SYTL2: variants seen among roughly 807,000 people sequenced by gnomAD.
The protein encoded by SYTL2 is synaptotagmin-like protein 2.
Under a neutral mutation model 198.7 loss-of-function variants are expected in SYTL2, and 165 were observed. The observed-to-expected ratio is 0.83, with a 90% CI of 0.73 to 0.94. The LOEUF (loss-of-function observed/expected upper bound fraction) is 0.94. Among genes scored for constraint, SYTL2 ranks in the 40% least tolerant of loss-of-function variants. The pLI is 0.00. For synonymous variants in SYTL2, 966 were observed against 917.7 expected (o/e 1.05, Z -0.95); for missense variants, 2,835 against 2,582.8 (o/e 1.10, Z -2.12).
intron 12 of SYTL2, among the ~76,000 whole-genome samples, chr11:85,712,695 TACACACACAC>T (rs200738930): frequency 2.1e-5 from 3 of 145,472 alleles, no homozygotes; most frequent in South Asian, 2.2e-4. Flanking sequence ...AAAATACATA[TACACACACAC>T]ACACACACAC....
rs115218567 is a variant in SYTL2, at chr11:85,718,767, C to T, written c.5482+23G>A. 4.8e-4 allele frequency: 768 copies of T among 1,609,092 alleles called. 4 individuals carry two copies. The African/African-American group carries it at 5.2e-3, about 11-fold the overall frequency. On this transcript the variant is annotated intron_variant, in intron 10 of 19. Transcript: ENST00000359152. ...CCAGAAGTTAATACAAAGACAGACA[C>T]GCAAATACATAAAGATATTTACCAT...
chr11:85,844,554 T>G, the SYTL2 span, among the ~76,000 whole-genome samples: 2 of 152,246 alleles, frequency 1.3e-5, no homozygotes, highest in Non-Finnish European at 2.9e-5. Context: ...GACTACTTCC[T>G]GGTGTGGAGG....
intron 1 of SYTL2, among the ~76,000 whole-genome samples, chr11:85,795,456 T>A (rs2092790213): frequency 6.6e-6 from 1 of 152,190 alleles, no homozygotes; most frequent in Non-Finnish European, 1.5e-5. Flanking sequence ...TAACAAATGT[T>A]AATTGTATCC....
rs201835158 is a variant in SYTL2 at position 85,726,225 on chromosome 11, C to A, written c.3133G>T (p.Val1045Phe). The A allele has an allele frequency of 8.1e-6, 13 of 1,613,032 alleles. No individual in the cohort carries two copies. The East Asian group carries it at 2.7e-4, about 33-fold the overall frequency. Reference sequence around the variant, plus strand: ...TTCTCCATTTCCTCTCTTGCCATAACTTTTTTTGGGCTTAGAAGCACCTCT... The same window carrying A: ...TTCTCCATTTCCTCTCTTGCCATAAATTTTTTTGGGCTTAGAAGCACCTCT... ...EAEVLLSPKKVMAREEMEKLN... is the reference protein window; with the variant it reads ...EAEVLLSPKKFMAREEMEKLN... The change falls in exon 8 of 20, where the codon GTT becomes TTT. Residue 1045 changes from valine (V) to phenylalanine (F), a missense_variant. By Grantham distance (50) the Val-to-Phe change is conservative. Coordinates refer to ENST00000359152, the MANE Select transcript of SYTL2 (RefSeq NM_206927.4).
the SYTL2 span, chr11:85,854,461 T>C: frequency 6.6e-6 from 1 of 150,936 alleles, no homozygotes; most frequent in African/African-American, 2.4e-5. Flanking sequence ...AAGCGAAGAG[T>C]GGGAAATGCT....
At chr11:85,702,071 C>A (rs1489064493) in intron 16 of SYTL2, among the ~76,000 whole-genome samples, 1 of 152,082 alleles carries the variant, frequency 6.6e-6, no homozygotes, top group Non-Finnish European at 1.5e-5. Context: ...GAAAAACACT[C>A]TAGACCAGTG....
chr11:85,714,428 T>A lies in SYTL2; in HGVS notation c.5610A>T (p.Ala1870=). 4 of 1,613,362 alleles carry A rather than the reference T, an allele frequency of 2.5e-6. No homozygotes were observed. Among genetic ancestry groups the A allele is most frequent in the Non-Finnish European group, 3.4e-6 (4 of 1,179,344 alleles). ...KLKRMSKSVP[A]FLQDESDDRE... is the part of the protein sequence containing the mutation. ...ACAAACTTGCCTCATCTTGGAGAAA[T>A]GCTGGAACAGACTTGCTCATCCTTT... The change falls in exon 12 of 20, where the codon GCA becomes GCT. Residue 1870 remains alanine, a synonymous_variant. Coordinates refer to ENST00000359152, the MANE Select transcript of SYTL2 (RefSeq NM_206927.4).
chr11:85,761,467 G>A (rs2092094373), intron 1 of SYTL2, among the ~76,000 whole-genome samples: 1 of 152,224 alleles, frequency 6.6e-6, no homozygotes, highest in Admixed American at 6.5e-5. Context: ...GAGAGCAGGA[G>A]GAGAGGAGGC....
chr11:85,784,912 C>G (rs568267921), intron 1 of SYTL2, among the ~76,000 whole-genome samples: 2 of 152,064 alleles, frequency 1.3e-5, no homozygotes, highest in Non-Finnish European at 2.9e-5. Flanking sequence ...CTTTCATCCT[C>G]GGAATCACTA....
intron 1 of SYTL2, among the ~76,000 whole-genome samples, chr11:85,779,656 A>G (rs1193261499): frequency 6.6e-6 from 1 of 151,440 alleles, no homozygotes; most frequent in Non-Finnish European, 1.5e-5. Flanking sequence ...TTTCCCTAGC[A>G]GAAGTAGGAC....
chr11:85,711,008 G>T, intron 13 of SYTL2, 105 bp downstream of exon 13: 2 of 1,255,452 alleles, frequency 1.6e-6, no homozygotes, highest in Non-Finnish European at 2.2e-6. Context: ...AACTGTTTGT[G>T]CCCTGAGAAA....
intron 12 of SYTL2, among the ~76,000 whole-genome samples, chr11:85,713,919 T>A (rs1408227562): frequency 6.6e-6 from 1 of 152,142 alleles, no homozygotes; most frequent in Non-Finnish European, 1.5e-5. Context: ...ACCTGTAATG[T>A]GTGGGGATAA....
the SYTL2 span, among the ~76,000 whole-genome samples, chr11:85,821,247 A>G: frequency 6.6e-6 from 1 of 152,236 alleles, no homozygotes. Flanking sequence ...TGTTTTTCTA[A>G]TGGTACATAA....
At chr11:85,777,453 C>T (rs2092470213) in intron 1 of SYTL2, among the ~76,000 whole-genome samples, 1 of 152,164 alleles carries the variant, frequency 6.6e-6, no homozygotes, top group Admixed American at 6.5e-5. Context: ...AGACTGCATT[C>T]ATTGCTACCA....
intron 1 of SYTL2, among the ~76,000 whole-genome samples, chr11:85,805,327 C>CAAAA (rs200930675): frequency 2.1e-5 from 2 of 95,976 alleles, no homozygotes; most frequent in African/African-American, 7.2e-5. Context: ...CCCATCTCTA[C>CAAAA]AAAAAAAAAA....
intron 2 of SYTL2, among the ~76,000 whole-genome samples, chr11:85,757,400 T>C (rs1447083647): frequency 2.0e-5 from 3 of 152,206 alleles, no homozygotes; most frequent in Non-Finnish European, 4.4e-5. Flanking sequence ...GGAATTTAGT[T>C]AGGTTTTTAA....
At chr11:85,780,338 T>C (rs1267989859) in intron 1 of SYTL2, among the ~76,000 whole-genome samples, 1 of 152,240 alleles carries the variant, frequency 6.6e-6, no homozygotes, top group African/African-American at 2.4e-5. Flanking sequence ...TCTGGAGTGA[T>C]AAGAGTGTCT....
intron 1 of SYTL2, among the ~76,000 whole-genome samples, chr11:85,772,137 C>T (rs117531101): frequency 0.021 from 3,211 of 152,108 alleles, 63 homozygotes; most frequent in Admixed American, 0.037. Flanking sequence ...CTCCTGAGCT[C>T]GAGCCACTCG....
At chr11:85,739,431 GT>G (rs2153505040) in intron 4 of SYTL2, among the ~76,000 whole-genome samples, 1 of 151,934 alleles carries the variant, frequency 6.6e-6, no homozygotes, top group South Asian at 2.1e-4. Flanking sequence ...GATTCATTCA[GT>G]TACCTTGTGG....
Sources: gnomAD v4.1 joint callset for allele counts (sites outside exome capture counted in the v4.1 genomes callset) on GRCh38, gnomAD v4.1.1 for gene constraint, MANE v1.5 for transcripts, NCBI Gene and HGNC (gene_info 2026-07-23, HGNC 2026-07-21) for gene names.